Variants in ACOXL observed in about 807,000 individuals in gnomAD.
The protein encoded by ACOXL is acyl-coenzyme A oxidase-like protein.
A neutral mutation model predicts 71.9 loss-of-function variants in ACOXL; 70 were observed. The observed-to-expected ratio is 0.97, with a 90% CI of 0.80 to 1.19. ACOXL has a LOEUF of 1.19. Ranked by LOEUF, ACOXL falls within the 50% of genes most tolerant of loss-of-function variation. The pLI is 0.00. For synonymous variants in ACOXL, 253 were observed against 281.6 expected (o/e 0.90, Z 1.02); for missense variants, 703 against 736.3 (o/e 0.95, Z 0.52).
At chr2:110,817,199 G>A (rs181947833) in intron 9 of ACOXL, among the ~76,000 whole-genome samples, 43 of 152,338 alleles carry the variant, frequency 2.8e-4, no homozygotes, top group South Asian at 1.0e-3. Context: ...ATGGTCTCCC[G>A]TGGGCTAGGC....
chr2:110,982,644 A>G (rs11123271), intron 12 of ACOXL, among the ~76,000 whole-genome samples: 68,570 of 152,164 alleles, frequency 0.45, 16,033 homozygotes, highest in African/African-American at 0.58. Flanking sequence ...CCCTTCAGGA[A>G]CCTAGGCTTG....
chr2:110,742,391 A>G (rs944914532), intron 1 of ACOXL, among the ~76,000 whole-genome samples: 5 of 152,208 alleles, frequency 3.3e-5, no homozygotes, highest in African/African-American at 1.2e-4. Context: ...ATTGTTGACT[A>G]TGTGTAAGGA....
At chr2:110,828,219 G>T (rs1689395093) in intron 9 of ACOXL, among the ~76,000 whole-genome samples, 1 of 152,136 alleles carries the variant, frequency 6.6e-6, no homozygotes, top group East Asian at 1.9e-4. Context: ...CAATCCACCT[G>T]CCTCGGCTTC....
At chr2:110,948,000 C>G (rs1303303908) in intron 12 of ACOXL, among the ~76,000 whole-genome samples, 2 of 152,270 alleles carry the variant, frequency 1.3e-5, no homozygotes, top group Non-Finnish European at 2.9e-5. Context: ...CCAGTCTCCA[C>G]AGCAGGACTT....
intron 2 of ACOXL, among the ~76,000 whole-genome samples, chr2:110,782,131 A>G (rs1416324627): frequency 6.6e-6 from 1 of 152,220 alleles, no homozygotes; most frequent in African/African-American, 2.4e-5. Context: ...ACATGCTACT[A>G]CGGAGATTGA....
rs527597217 is a variant in ACOXL at position 110,865,600 on chromosome 2, T to C, written c.788+24195T>C. Among the ~76,000 whole-genome samples the C allele has an allele frequency of 6.6e-5, 10 of 152,322 alleles. No individual in the cohort carries two copies. The South Asian group carries it at 2.1e-3, about 32-fold the overall frequency. On this transcript the variant is annotated intron_variant, in intron 10 of 17. Transcript: ENST00000439055. ...TTATATCTATTTTTAAATTTTGTTT[T>C]TAATTTTACAAGTGATAGATGGAGC...
At chr2:110,871,215 C>T (rs1695235241) in intron 10 of ACOXL, among the ~76,000 whole-genome samples, 1 of 152,090 alleles carries the variant, frequency 6.6e-6, no homozygotes, top group South Asian at 2.1e-4. Context: ...CCTGCCTGGA[C>T]AAGGCAACCC....
intron 12 of ACOXL, among the ~76,000 whole-genome samples, chr2:110,966,338 T>C (rs1018346771): frequency 6.6e-6 from 1 of 152,252 alleles, no homozygotes; most frequent in African/African-American, 2.4e-5. Context: ...CTACCCACCC[T>C]GGGGCCAGCA....
chr2:110,977,623 A>G (rs745591126), intron 12 of ACOXL, among the ~76,000 whole-genome samples: 12 of 152,106 alleles, frequency 7.9e-5, no homozygotes, highest in Non-Finnish European at 1.8e-4. Flanking sequence ...CAAAGCTGGC[A>G]CTAATTTTTT....
chr2:110,825,561 A>G (rs550921697), intron 9 of ACOXL, among the ~76,000 whole-genome samples: 1 of 151,978 alleles, frequency 6.6e-6, no homozygotes, highest in East Asian at 1.9e-4. Flanking sequence ...TTTCTTGGAG[A>G]TTTTTTTCCA....
At chr2:110,784,679 A>G (rs1463057951) in intron 2 of ACOXL, 53 bp from the exon 3 acceptor site, 10 of 1,379,586 alleles carry the variant, frequency 7.2e-6, no homozygotes, top group Non-Finnish European at 9.7e-6. Context: ...TGTGAATTTA[A>G]CAAGTCAGAA....
chr2:111,061,207 C>T (rs1188010184), intron 16 of ACOXL, among the ~76,000 whole-genome samples: 4 of 152,020 alleles, frequency 2.6e-5, no homozygotes, highest in African/African-American at 7.2e-5. Flanking sequence ...GAAATTCACA[C>T]CAAGACACAT....
At chr2:110,961,063 A>G (rs1050661946) in intron 12 of ACOXL, among the ~76,000 whole-genome samples, 1 of 152,218 alleles carries the variant, frequency 6.6e-6, no homozygotes, top group African/African-American at 2.4e-5. Flanking sequence ...TAGATCATAA[A>G]TACACCTTGT....
intron 12 of ACOXL, among the ~76,000 whole-genome samples, chr2:110,972,633 G>T (rs571700331): frequency 7.8e-6 from 1 of 128,028 alleles, no homozygotes; most frequent in Non-Finnish European, 1.6e-5. Context: ...ACACGCACAT[G>T]CACACACACA....
intron 10 of ACOXL, among the ~76,000 whole-genome samples, chr2:110,844,201 G>A (rs1691512573): frequency 6.6e-6 from 1 of 152,230 alleles, no homozygotes; most frequent in Admixed American, 6.5e-5. Context: ...AAGCTGGGAA[G>A]ACTTACCGAG....
chr2:111,086,446 G>C (rs1191655344), intron 16 of ACOXL, among the ~76,000 whole-genome samples: 1 of 152,128 alleles, frequency 6.6e-6, no homozygotes, highest in Non-Finnish European at 1.5e-5. Context: ...CACATAAACA[G>C]AACTAAAGAC....
intron 1 of ACOXL, among the ~76,000 whole-genome samples, chr2:110,745,184 G>A (rs976980307): frequency 6.6e-5 from 10 of 152,208 alleles, no homozygotes; most frequent in African/African-American, 2.4e-4. Flanking sequence ...GTGCTTGGGT[G>A]GCACTTTCAG....
At chr2:110,949,407 A>G (rs1298242579) in intron 12 of ACOXL, among the ~76,000 whole-genome samples, 1 of 152,002 alleles carries the variant, frequency 6.6e-6, no homozygotes, top group African/African-American at 2.4e-5. Flanking sequence ...TATTGGTCAG[A>G]GATCTCTTTC....
At chr2:110,943,840 T>C (rs2060990419) in intron 12 of ACOXL, among the ~76,000 whole-genome samples, 1 of 152,058 alleles carries the variant, frequency 6.6e-6, no homozygotes, top group South Asian at 2.1e-4. Flanking sequence ...TTTTGCATTT[T>C]ATTTGTTTTT....
Sources: gnomAD v4.1 joint callset for allele counts (sites outside exome capture counted in the v4.1 genomes callset) on GRCh38, gnomAD v4.1.1 for gene constraint, MANE v1.5 for transcripts, NCBI Gene and HGNC (gene_info 2026-07-23, HGNC 2026-07-21) for gene names.